Variants in SPOCK1 observed in about 807,000 individuals in gnomAD.
SPOCK1 encodes testican-1.
Under a neutral mutation model 55.3 loss-of-function variants are expected in SPOCK1, and 23 were observed. That is an observed-to-expected ratio of 0.42 (90% CI 0.30 to 0.59). SPOCK1 has a LOEUF of 0.59. SPOCK1 is among the 20% of genes least tolerant of loss of function. The pLI, the probability that SPOCK1 is intolerant of heterozygous loss-of-function variation, is 0.22. For synonymous variants in SPOCK1, 226 were observed against 221.0 expected, an observed-to-expected ratio of 1.02 and a Z score of -0.20; for missense variants, 499 against 552.5, an observed-to-expected ratio of 0.90 and a Z score of 0.97.
At chr5:137,327,150 C>T (rs1029918202) in intron 2 of SPOCK1, among the ~76,000 whole-genome samples, 3 of 152,210 alleles carry the variant, frequency 2.0e-5, no homozygotes, top group Admixed American at 6.5e-5. Context: ...TCCTGTCCCA[C>T]CTCTACCACT....
chr5:137,398,921 T>C (rs892703433), intron 2 of SPOCK1, among the ~76,000 whole-genome samples: 18 of 152,204 alleles, frequency 1.2e-4, no homozygotes, highest in African/African-American at 2.4e-4. Context: ...ACCACGCCAA[T>C]TGGATTTTCC....
chr5:137,046,536 G>C lies in SPOCK1; in HGVS notation c.589+21179C>G, dbSNP rs938455262. Among the ~76,000 whole-genome samples the C allele has an allele frequency of 1.1e-4, 16 of 145,946 alleles. No homozygotes were observed. In the East Asian group the frequency reaches 3.3e-3, roughly 30 times the overall value. ...TTGCTTATCAGCTTAAGGAGATTTT[G>C]GGCTGAGACAATGGGGTTTTCTAGA... On this transcript the variant is annotated intron_variant, in intron 6 of 10. Transcript: ENST00000394945.
intron 2 of SPOCK1, among the ~76,000 whole-genome samples, chr5:137,278,673 A>G (rs1435592052): frequency 6.6e-6 from 1 of 152,168 alleles, no homozygotes; most frequent in Non-Finnish European, 1.5e-5. Flanking sequence ...TAATTGTTGT[A>G]ACACAATTTC....
chr5:137,406,443 C>G lies in SPOCK1; in HGVS notation c.186+91930G>C, dbSNP rs554596096. Among the ~76,000 whole-genome samples, 4 of 152,334 alleles carry G rather than the reference C, an allele frequency of 2.6e-5. No homozygotes were observed. The East Asian group carries it at 7.7e-4, about 29-fold the overall frequency. On this transcript the variant is annotated intron_variant, in intron 2 of 10. Coordinates refer to ENST00000394945, the MANE Select transcript of SPOCK1 (RefSeq NM_004598.4). The stretch of plus-strand genomic sequence containing the variant: ...TCTGGGCAGAACACCAATTTTCAGA[C>G]AGCCTTACCTTGTCAACATCTAATG...
chr5:137,303,996 G>A (rs777564987), intron 2 of SPOCK1, among the ~76,000 whole-genome samples: 13 of 152,078 alleles, frequency 8.5e-5, no homozygotes, highest in South Asian at 2.1e-4. Context: ...TGGTGATGAC[G>A]TAGGCATCCT....
At chr5:137,356,838 T>TATATATATATAGAGAGAGAGAGAGAG (rs1554077335) in intron 2 of SPOCK1, among the ~76,000 whole-genome samples, 1 of 5,460 alleles carries the variant, frequency 1.8e-4, no homozygotes. Flanking sequence ...TATATATATA[T>TATATATATATAGAGAGAGAGAGAGAG]AGAGAGAGAG....
intron 2 of SPOCK1, among the ~76,000 whole-genome samples, chr5:137,332,993 A>G (rs553587113): frequency 6.6e-6 from 1 of 152,348 alleles, no homozygotes. Flanking sequence ...AGATGTCAAA[A>G]GCCAGAGCAG....
At chr5:137,423,089 G>A (rs2149826387) in intron 2 of SPOCK1, among the ~76,000 whole-genome samples, 2 of 152,348 alleles carry the variant, frequency 1.3e-5, no homozygotes, top group South Asian at 4.1e-4. Flanking sequence ...AGCAGAGGCT[G>A]CAGAACAGCA....
intron 6 of SPOCK1, among the ~76,000 whole-genome samples, chr5:137,013,998 G>T (rs1192239727): frequency 6.6e-6 from 1 of 152,086 alleles, no homozygotes; most frequent in African/African-American, 2.4e-5. Context: ...ATTTGTCCTT[G>T]CCCAAATCTA....
chr5:137,409,295 C>T (rs772624130), intron 2 of SPOCK1, among the ~76,000 whole-genome samples: 7 of 152,210 alleles, frequency 4.6e-5, no homozygotes, highest in Non-Finnish European at 8.8e-5. Flanking sequence ...GAGACATAAG[C>T]TTCATAACCC....
At position 136,990,205 on chromosome 5, in the gene SPOCK1, C is replaced by T. The variant is rs545790882; in HGVS notation, c.707-1562G>A. On this transcript the variant is annotated intron_variant, in intron 7 of 10. Transcript: ENST00000394945. ...GATTACAAGCTTGAGCCACCGCCCT[C>T]GGCCCTGTACCCACTCTTTAAAGCA... Among the ~76,000 whole-genome samples the T allele has an allele frequency of 2.8e-3, 428 of 152,130 alleles. 1 individual carries two copies. The highest frequency in any genetic ancestry group is 4.9e-3 in the Non-Finnish European group (330 of 67,994).
At chr5:137,452,039 A>G (rs4976443) in intron 2 of SPOCK1, among the ~76,000 whole-genome samples, 151,754 of 152,306 alleles carry the variant, frequency 1, 75,603 homozygotes, top group Middle Eastern at 1. Context: ...AAATGCCCCA[A>G]TGAGCATTTC....
chr5:137,201,790 C>T (rs1051702866), intron 3 of SPOCK1, among the ~76,000 whole-genome samples: 2 of 152,200 alleles, frequency 1.3e-5, no homozygotes, highest in Non-Finnish European at 2.9e-5. Context: ...TACACACTGT[C>T]TCTTCTTCAT....
chr5:137,353,195 T>C (rs955327145), intron 2 of SPOCK1, among the ~76,000 whole-genome samples: 3 of 152,020 alleles, frequency 2.0e-5, no homozygotes, highest in African/African-American at 7.2e-5. Context: ...GCATGGGCAA[T>C]ATGGCAAAAC....
At chr5:137,111,578 C>T (rs939862889) in intron 5 of SPOCK1, among the ~76,000 whole-genome samples, 1 of 152,136 alleles carries the variant, frequency 6.6e-6, no homozygotes, top group South Asian at 2.1e-4. Flanking sequence ...CCTATCAATT[C>T]TATGATTTCC....
At chr5:137,102,372 T>C (rs1316820471) in intron 5 of SPOCK1, among the ~76,000 whole-genome samples, 1 of 152,046 alleles carries the variant, frequency 6.6e-6, no homozygotes, top group Non-Finnish European at 1.5e-5. Context: ...CTGGGGCTAT[T>C]AAAATCCCTA....
intron 2 of SPOCK1, among the ~76,000 whole-genome samples, chr5:137,418,982 G>T (rs1752420303): frequency 6.6e-6 from 1 of 152,140 alleles, no homozygotes; most frequent in Non-Finnish European, 1.5e-5. Flanking sequence ...TTTGTATAAG[G>T]TGTAAGGAAG....
intron 2 of SPOCK1, among the ~76,000 whole-genome samples, chr5:137,449,904 A>G (rs1257192080): frequency 1.4e-5 from 2 of 144,286 alleles, no homozygotes; most frequent in African/African-American, 5.6e-5. Flanking sequence ...AAAAAAAAAA[A>G]AAAAAAAAAA....
chr5:136,978,925 T>C (rs1750671203), intron 10 of SPOCK1, 81 bp from the exon 11 acceptor site: 6 of 1,438,656 alleles, frequency 4.2e-6, no homozygotes, highest in African/African-American at 2.8e-5. Flanking sequence ...GCCTGAATTG[T>C]AGGGTAAAAC....
Sources: allele counts gnomAD v4.1 joint callset (sites outside exome capture counted in the v4.1 genomes callset), GRCh38; gene constraint gnomAD v4.1.1; transcripts MANE v1.5; gene names NCBI Gene and HGNC (gene_info 2026-07-23, HGNC 2026-07-21).